Variants in SH2D4B observed in about 807,000 individuals in gnomAD.
The protein encoded by SH2D4B is SH2 domain-containing protein 4B.
A neutral mutation model predicts 61.5 loss-of-function variants in SH2D4B; 45 were observed. The observed-to-expected ratio is 0.73, with a 90% CI of 0.58 to 0.94. The LOEUF (loss-of-function observed/expected upper bound fraction) is 0.94. SH2D4B is among the 40% of genes least tolerant of loss of function. SH2D4B has a pLI of 0.00. For synonymous variants in SH2D4B, 224 were observed against 220.4 expected, an observed-to-expected ratio of 1.02 and a Z score of -0.14; for missense variants, 572 against 574.2, an observed-to-expected ratio of 1.00 and a Z score of 0.04.
At chr10:80,594,181 G>A (rs748919114) in intron 4 of SH2D4B, among the ~76,000 whole-genome samples, 52 of 152,130 alleles carry the variant, frequency 3.4e-4, no homozygotes, top group Non-Finnish European at 6.5e-4. Context: ...AGATTGTTGG[G>A]TGTTTTTATG....
intron 7 of SH2D4B, among the ~76,000 whole-genome samples, chr10:80,642,089 A>G (rs1039166900): frequency 6.6e-6 from 1 of 152,180 alleles, no homozygotes; most frequent in Non-Finnish European, 1.5e-5. Flanking sequence ...TATTTTCCAC[A>G]TAAGTTGGGT....
intron 6 of SH2D4B, among the ~76,000 whole-genome samples, chr10:80,625,600 T>C (rs1376877708): frequency 6.7e-6 from 1 of 148,830 alleles, no homozygotes; most frequent in African/African-American, 2.5e-5. Flanking sequence ...TGAGACAGAG[T>C]CTTACTCTGT....
intron 1 of SH2D4B, among the ~76,000 whole-genome samples, chr10:80,544,533 C>T (rs1841641090): frequency 6.6e-6 from 1 of 152,258 alleles, no homozygotes; most frequent in Admixed American, 6.5e-5. Flanking sequence ...TCCCTGTTTC[C>T]TGGGCCCGTC....
At chr10:80,591,821 C>T (rs1454137375) in intron 4 of SH2D4B, among the ~76,000 whole-genome samples, 1 of 152,060 alleles carries the variant, frequency 6.6e-6, no homozygotes, top group Non-Finnish European at 1.5e-5. Flanking sequence ...TTATACAGGC[C>T]TGCTCTCTTG....
At chr10:80,592,282 C>T (rs919205826) in intron 4 of SH2D4B, among the ~76,000 whole-genome samples, 2 of 152,054 alleles carry the variant, frequency 1.3e-5, no homozygotes, top group African/African-American at 4.8e-5. Flanking sequence ...ATATTAATTT[C>T]TTATCAGAGA....
At chr10:80,559,380 T>C (rs1184476771) in intron 1 of SH2D4B, among the ~76,000 whole-genome samples, 1 of 152,198 alleles carries the variant, frequency 6.6e-6, no homozygotes, top group Non-Finnish European at 1.5e-5. Context: ...AGTATATTTA[T>C]CAAATGTTAA....
chr10:80,561,297 A>G (rs1841899809), intron 1 of SH2D4B, among the ~76,000 whole-genome samples: 1 of 152,242 alleles, frequency 6.6e-6, no homozygotes, highest in Non-Finnish European at 1.5e-5. Context: ...AATTTTTGGA[A>G]AACTTGTGTC....
intron 3 of SH2D4B, among the ~76,000 whole-genome samples, chr10:80,577,316 T>C: frequency 6.6e-6 from 1 of 152,130 alleles, no homozygotes. Context: ...ATGATTGACC[T>C]CAATTGATAC....
At chr10:80,568,389 C>T (rs915978282) in intron 1 of SH2D4B, among the ~76,000 whole-genome samples, 4 of 152,222 alleles carry the variant, frequency 2.6e-5, no homozygotes, top group Non-Finnish European at 5.9e-5. Context: ...AGCAATCTTT[C>T]GGCAAGGAGG....
At chr10:80,546,410 CT>C (rs1841681382) in intron 1 of SH2D4B, among the ~76,000 whole-genome samples, 1 of 152,008 alleles carries the variant, frequency 6.6e-6, no homozygotes, top group African/African-American at 2.4e-5. Context: ...ACCAATGCTA[CT>C]TTTTTTCTTT....
intron 6 of SH2D4B, among the ~76,000 whole-genome samples, chr10:80,618,664 T>A (rs1842684582): frequency 6.6e-6 from 1 of 152,082 alleles, no homozygotes; most frequent in Admixed American, 6.6e-5. Flanking sequence ...TAAGTGGTAA[T>A]GGAGGTGTTG....
intron 6 of SH2D4B, among the ~76,000 whole-genome samples, chr10:80,630,031 A>G (rs1262479645): frequency 3.3e-5 from 5 of 152,204 alleles, no homozygotes; most frequent in Non-Finnish European, 7.3e-5. Context: ...CCTGTGAAGG[A>G]CAAAGGGGGA....
rs1326925860 is a variant in SH2D4B at position 80,539,926 on chromosome 10, G to A, written c.184+1411G>A. On this transcript the variant is annotated intron_variant, in intron 1 of 7. Coordinates refer to ENST00000646907, the MANE Select transcript of SH2D4B (RefSeq NM_001388272.1). This position sits in a 1 kb window ranked among gnomAD's most constrained non-coding sequence, Gnocchi z 4.9. Reference sequence around the variant, plus strand: ...GCTGGGGCCTTCCGGGCTGGGCTGCGCTGGCAGCTGCATCACTAACTGGTG... The same window carrying A: ...GCTGGGGCCTTCCGGGCTGGGCTGCACTGGCAGCTGCATCACTAACTGGTG... Among the ~76,000 whole-genome samples, 2 of 152,144 alleles carry A rather than the reference G, an allele frequency of 1.3e-5. No homozygotes were observed. The highest frequency in any genetic ancestry group is 2.9e-5 in the Non-Finnish European group (2 of 68,028).
intron 7 of SH2D4B, among the ~76,000 whole-genome samples, chr10:80,636,559 C>A (rs965755085): frequency 1.1e-4 from 17 of 152,208 alleles, no homozygotes; most frequent in African/African-American, 4.1e-4. Flanking sequence ...TGATGATGAG[C>A]ATTTTTTCAT....
intron 6 of SH2D4B, among the ~76,000 whole-genome samples, chr10:80,619,829 C>T (rs917096747): frequency 6.6e-6 from 1 of 152,206 alleles, no homozygotes; most frequent in Non-Finnish European, 1.5e-5. Context: ...TATATTTAAT[C>T]TCTTTGTCCT....
intron 1 of SH2D4B, among the ~76,000 whole-genome samples, chr10:80,561,162 C>T (rs1841898033): frequency 6.6e-6 from 1 of 152,166 alleles, no homozygotes; most frequent in Non-Finnish European, 1.5e-5. Context: ...GAAACACTGA[C>T]AGACAAGCTA....
At position 80,539,839 on chromosome 10, in the gene SH2D4B, C is replaced by G. The variant is rs1200500817; in HGVS notation, c.184+1324C>G. Among the ~76,000 whole-genome samples, 2 of 152,176 alleles carry G rather than the reference C, an allele frequency of 1.3e-5. No individual in the cohort carries two copies. The highest frequency in any genetic ancestry group is 4.8e-5 in the African/African-American group (2 of 41,448). On this transcript the variant is annotated intron_variant, in intron 1 of 7. Transcript: ENST00000646907. This position sits in a 1 kb window ranked among gnomAD's most constrained non-coding sequence, Gnocchi z 4.9. ...AATCCTTGTTTTGAACAAGACACAG[C>G]AGGACCCTGCCGGGGAGGTTGGGGC... is the stretch of plus-strand genomic sequence containing the variant.
At chr10:80,606,925 A>G (rs1459213828) in intron 5 of SH2D4B, among the ~76,000 whole-genome samples, 1 of 152,210 alleles carries the variant, frequency 6.6e-6, no homozygotes, top group Non-Finnish European at 1.5e-5. Flanking sequence ...TTTACAGTGA[A>G]TTTTGGTTAA....
At position 80,587,302 on chromosome 10, in the gene SH2D4B, T is replaced by C. The variant is rs151224008; in HGVS notation, c.496-1328T>C. ...TGTTGTTGTTGTTTTTTCTTTGAGA[T>C]GGAGTTTTGCTCTTGTTGCCCAGGG... On this transcript the variant is annotated intron_variant, in intron 3 of 7. Coordinates refer to ENST00000646907, the MANE Select transcript of SH2D4B (RefSeq NM_001388272.1). Among the ~76,000 whole-genome samples the C allele has an allele frequency of 4.2e-3, 634 of 152,136 alleles. 5 individuals are homozygous for C. The highest frequency in any genetic ancestry group is 0.015 in the African/African-American group (604 of 41,500).
Sources: allele counts gnomAD v4.1 joint callset (sites outside exome capture counted in the v4.1 genomes callset), GRCh38; gene constraint gnomAD v4.1.1; non-coding constraint Gnocchi (gnomAD v3.1); transcripts MANE v1.5; gene names NCBI Gene and HGNC (gene_info 2026-07-23, HGNC 2026-07-21).